The following CCNE2 variants were observed in gnomAD, a reference collection of about 807,000 sequenced individuals.
The protein encoded by CCNE2 is G1/S-specific cyclin-E2.
CCNE2 carries 18 observed loss-of-function variants against 56.8 expected under a neutral mutation model. The observed-to-expected ratio is 0.32, with a 90% confidence interval of 0.22 to 0.47. CCNE2 has a LOEUF of 0.47. CCNE2 is among the 20% of genes least tolerant of loss of function. The pLI is 1.00. For missense variants in CCNE2, 371 were observed against 467.1 expected, an observed-to-expected ratio of 0.79 and a Z score of 1.90; for synonymous variants, 139 against 149.2, an observed-to-expected ratio of 0.93 and a Z score of 0.50.
chr8:94,890,774 A>G (rs1817211276), intron 5 of CCNE2, among the ~76,000 whole-genome samples: 1 of 151,772 alleles, frequency 6.6e-6, no homozygotes, highest in South Asian at 2.1e-4. Flanking sequence ...TTGTATTTTT[A>G]GTAGAGATGG....
chr8:94,888,134 T>C, intron 6 of CCNE2, 61 bp from the exon 7 acceptor site: 5 of 1,190,348 alleles, frequency 4.2e-6, no homozygotes, highest in Non-Finnish European at 5.9e-6. Context: ...TAGAAAGTCA[T>C]CTCTTAGCAT....
At chr8:94,890,314 G>T in intron 6 of CCNE2, 101 bp downstream of exon 6, 1 of 970,696 alleles carries the variant, frequency 1.0e-6, no homozygotes, top group Non-Finnish European at 1.4e-6. Context: ...AGCTTCCTGG[G>T]GATGAACAAT....
intron 9 of CCNE2, 68 bp from the exon 10 acceptor site, chr8:94,882,960 C>T: frequency 9.4e-7 from 1 of 1,063,102 alleles, no homozygotes; most frequent in South Asian, 1.3e-5. Flanking sequence ...CTTGCTAAAA[C>T]CTTAGGGATC....
chr8:94,881,699 GACA>G lies in CCNE2; in HGVS notation c.1145_1147del (p.Leu382del). On this transcript the variant is annotated inframe_deletion, in exon 12 of 12. Transcript: ENST00000308108. ...CATAATGCCTCCATTGCACACTGGT[GACA>G]ACTGTCCCCCTTTTCTGAAGGTGTT... is the stretch of plus-strand genomic sequence containing the variant. The G allele has an allele frequency of 6.2e-7, 1 of 1,613,760 alleles. No individual in the cohort carries two copies. Among genetic ancestry groups the G allele is most frequent in the Non-Finnish European group, 8.5e-7 (1 of 1,179,802 alleles).
Position 94,895,192 on chromosome 8 carries a change from C to A in CCNE2, c.-42G>T, listed in dbSNP as rs536771035. Reference sequence around the variant, plus strand: ...AACTCCTCACCGCCAGACCAGCTACCGCTCGGCTCAGCTGGCGCCGGCGCC... The same window carrying A: ...AACTCCTCACCGCCAGACCAGCTACAGCTCGGCTCAGCTGGCGCCGGCGCC... On this transcript the variant is annotated 5_prime_UTR_variant, in exon 1 of 12. Transcript: ENST00000308108. 1.0e-6 allele frequency: 1 copy of A among 985,970 alleles called. No individual in the cohort carries two copies. The highest frequency in any genetic ancestry group is 1.7e-5 in the African/African-American group (1 of 57,370). The allele number at this position is 985,970 out of a possible 1,614,324, so 61.1% of individuals were successfully genotyped here.
rs1816754324 is a variant in CCNE2, at chr8:94,880,244, T to A, written c.*1388A>T. ...AAAACTTTACTTTTAAGCAGTTAAA[T>A]TTTTTTAACTTTTATTTTTTAAACA... On this transcript the variant is annotated 3_prime_UTR_variant, in exon 12 of 12. Transcript: ENST00000308108. 1 of 1,427,536 alleles carries A rather than the reference T, an allele frequency of 7.0e-7. No homozygotes were observed. The highest frequency in any genetic ancestry group is 9.7e-7 in the Non-Finnish European group (1 of 1,027,636). 88.4% of individuals were successfully genotyped at this position (1,427,536 alleles called of 1,614,324 possible). A position where few individuals can be genotyped will look rare whatever the true frequency, so the allele number is the denominator to read the frequency against.
At chr8:94,891,421 G>T in intron 5 of CCNE2, 2 of 279,098 alleles carry the variant, frequency 7.2e-6, no homozygotes, top group Non-Finnish European at 7.0e-6. Context: ...CACTTTGGGA[G>T]GCCAAGGTGG....
At chr8:94,884,163 A>G (rs191691853) in intron 9 of CCNE2, among the ~76,000 whole-genome samples, 1 of 152,314 alleles carries the variant, frequency 6.6e-6, no homozygotes, top group Non-Finnish European at 1.5e-5. Flanking sequence ...TTTAAGCACC[A>G]CTGCCCACAA....
chr8:94,896,440 C>T (rs909410242), upstream of CCNE2: 1 of 152,248 alleles, frequency 6.6e-6, no homozygotes, highest in East Asian at 1.9e-4. Flanking sequence ...AATGCCCCCA[C>T]AACTGGCGCA....
chr8:94,882,724 CTG>C (rs762692110), intron 10 of CCNE2, 55 bp downstream of exon 10: 238 of 1,142,414 alleles, frequency 2.1e-4, no homozygotes, highest in Non-Finnish European at 3.0e-4. Context: ...AGTTCAGAGA[CTG>C]TAGTCCCATT....
chr8:94,882,363 C>T, intron 10 of CCNE2, 74 bp from the exon 11 acceptor site: 1 of 1,199,226 alleles, frequency 8.3e-7, no homozygotes, highest in Non-Finnish European at 1.1e-6. Context: ...GTCTGATGTA[C>T]TTGTTGCTGT....
At chr8:94,882,707 A>ATGT (rs1816871214) in intron 10 of CCNE2, 74 bp downstream of exon 10, 1 of 974,852 alleles carries the variant, frequency 1.0e-6, no homozygotes, top group South Asian at 1.4e-5. Flanking sequence ...GTTTAGCAGA[A>ATGT]TGTTAAAGTT....
intron 7 of CCNE2, among the ~76,000 whole-genome samples, chr8:94,885,907 G>A (rs1817021507): frequency 1.3e-5 from 2 of 151,870 alleles, no homozygotes; most frequent in South Asian, 4.2e-4. Flanking sequence ...TCAGGAGAGA[G>A]AGGGTTTCAC....
At chr8:94,893,705 G>A in intron 4 of CCNE2, 186 bp downstream of exon 4, 1 of 616,298 alleles carries the variant, frequency 1.6e-6, no homozygotes. Flanking sequence ...CACTTATTCT[G>A]CAGCTGTAGT....
intron 7 of CCNE2, among the ~76,000 whole-genome samples, chr8:94,886,048 A>G (rs1817026232): frequency 6.6e-6 from 1 of 152,076 alleles, no homozygotes. Flanking sequence ...TTTCAACCTA[A>G]GCAGACATAG....
chr8:94,888,168 G>A, intron 6 of CCNE2, 95 bp from the exon 7 acceptor site: 2 of 800,220 alleles, frequency 2.5e-6, no homozygotes, highest in East Asian at 2.9e-5. Context: ...ATATGTTTAA[G>A]CCAAACTGAT....
Position 94,881,739 on chromosome 8 carries a change from C to T in CCNE2, c.1108G>A (p.Val370Ile), listed in dbSNP as rs1816823504. ...HTNYLAMLEEVNYINTFRKGG... is the reference protein window; with the variant it reads ...HTNYLAMLEEINYINTFRKGG... The stretch of plus-strand genomic sequence containing the variant: ...TTTCTGAAGGTGTTTATGTAATTTA[C>T]TTCCTCCTATACATGGGAAGAAATC... The change falls in exon 12 of 12, where the codon GTA becomes ATA. Residue 370 changes from valine (V) to isoleucine (I), a missense_variant. Transcript: ENST00000308108. 1.2e-6 allele frequency: 2 copies of T among 1,613,712 alleles called. No individual in the cohort carries two copies. Among genetic ancestry groups the T allele is most frequent in the Non-Finnish European group, 1.7e-6 (2 of 1,179,766 alleles).
upstream of CCNE2, chr8:94,895,389 C>G (rs530254777): frequency 5.6e-6 from 2 of 357,700 alleles, no homozygotes; most frequent in Non-Finnish European, 7.8e-6. Flanking sequence ...CTCTACCGGG[C>G]CTTCTGCCCG....
rs539099077 is a variant in CCNE2, at chr8:94,880,730, C to G, written c.*902G>C. On this transcript the variant is annotated 3_prime_UTR_variant, in exon 12 of 12. Transcript: ENST00000308108. ...AATTTAGAAAGGACCTTAACAGTTTCACAAACATAAATAAAGCCTTAGTCA... is the reference window on the plus strand; with the variant it reads ...AATTTAGAAAGGACCTTAACAGTTTGACAAACATAAATAAAGCCTTAGTCA... 9 of 396,048 alleles carry G rather than the reference C, an allele frequency of 2.3e-5. No individual in the cohort carries two copies. Among genetic ancestry groups the G allele is most frequent in the Non-Finnish European group, 4.0e-5 (9 of 224,998 alleles). The allele number at this position is 396,048 out of a possible 1,614,324, so 24.5% of individuals were successfully genotyped here.
Sources: gnomAD v4.1 joint callset for allele counts (sites outside exome capture counted in the v4.1 genomes callset) on GRCh38, gnomAD v4.1.1 for gene constraint, MANE v1.5 for transcripts, NCBI Gene and HGNC (gene_info 2026-07-23, HGNC 2026-07-21) for gene names.